The following ATG4C variants were observed in gnomAD, a reference collection of about 807,000 sequenced individuals.
ATG4C encodes autophagy related 4C cysteine peptidase, also known as cysteine protease ATG4C.
Under a neutral mutation model 57.6 loss-of-function variants are expected in ATG4C, and 56 were observed. The ratio of observed to expected loss-of-function variants is 0.97; its 90% confidence interval spans 0.78 to 1.21. ATG4C has a LOEUF of 1.21. ATG4C is among the 50% of genes most tolerant of loss of function. The probability of loss-of-function intolerance (pLI) is 0.00; values close to 1 mark genes in which losing one functional copy is unlikely to be tolerated. For missense variants in ATG4C, 595 were observed against 529.8 expected (o/e 1.12, Z -1.21); for synonymous variants, 157 against 174.1 (o/e 0.90, Z 0.78).
intron 10 of ATG4C, among the ~76,000 whole-genome samples, chr1:62,859,786 C>A (rs1371551161): frequency 6.6e-6 from 1 of 151,948 alleles, no homozygotes; most frequent in African/African-American, 2.4e-5. Context: ...ACCTCCGCCT[C>A]CCAGGTTCAA....
chr1:62,841,889 A>G (rs1451723107), intron 10 of ATG4C, among the ~76,000 whole-genome samples: 1 of 152,242 alleles, frequency 6.6e-6, no homozygotes, highest in Non-Finnish European at 1.5e-5. Flanking sequence ...AAAAAAATTA[A>G]TGAAGTATTT....
intron 1 of ATG4C, among the ~76,000 whole-genome samples, chr1:62,799,351 TTACGAAAATAA>T (rs1312619702): frequency 6.6e-6 from 1 of 152,236 alleles, no homozygotes; most frequent in Non-Finnish European, 1.5e-5. Flanking sequence ...TAGTTTAACC[TTACGAAAATAA>T]TTTTATCGTT....
chr1:62,839,290 T>A (rs1420426475), intron 9 of ATG4C, among the ~76,000 whole-genome samples: 4 of 152,150 alleles, frequency 2.6e-5, no homozygotes, highest in African/African-American at 9.7e-5. Flanking sequence ...ACCTCAGCCC[T>A]CAAGCAATCC....
chr1:62,855,305 G>A (rs540097903), intron 10 of ATG4C, among the ~76,000 whole-genome samples: 3 of 152,202 alleles, frequency 2.0e-5, no homozygotes, highest in Middle Eastern at 3.4e-3. Flanking sequence ...CTGCTGTGCT[G>A]TAAATGGCCT....
intron 3 of ATG4C, among the ~76,000 whole-genome samples, chr1:62,811,699 A>G (rs900402101): frequency 5.3e-5 from 8 of 152,202 alleles, no homozygotes; most frequent in Non-Finnish European, 8.8e-5. Flanking sequence ...TGATATACCC[A>G]TTGTATCTCA....
Position 62,838,453 on chromosome 1 carries a change from G to A in ATG4C, c.1090-2975G>A, listed in dbSNP as rs529028231. Among the ~76,000 whole-genome samples the A allele has an allele frequency of 5.7e-4, 87 of 152,280 alleles. 1 individual carries two copies. Among genetic ancestry groups the A allele is most frequent in the African/African-American group, 2.1e-3 (86 of 41,566 alleles). ...CGATTGTGAATTGTAAATTCATGTT[G>A]GTTGGCCTTTGAATCTTCTTGGATG... On this transcript the variant is annotated intron_variant, in intron 9 of 10. Coordinates refer to ENST00000317868, the MANE Select transcript of ATG4C (RefSeq NM_032852.4).
At chr1:62,791,184 C>G (rs1382610160) in intron 1 of ATG4C, among the ~76,000 whole-genome samples, 1 of 151,988 alleles carries the variant, frequency 6.6e-6, no homozygotes, top group Non-Finnish European at 1.5e-5. Context: ...TAGTTATAAC[C>G]ATTTTGCTTA....
At chr1:62,792,368 G>C (rs1437135988) in intron 1 of ATG4C, among the ~76,000 whole-genome samples, 1 of 152,188 alleles carries the variant, frequency 6.6e-6, no homozygotes, top group East Asian at 1.9e-4. Context: ...ACAGTCTTCT[G>C]ATCAGTTGAA....
intron 1 of ATG4C, among the ~76,000 whole-genome samples, chr1:62,793,619 A>C (rs1187381321): frequency 6.3e-5 from 2 of 31,984 alleles, no homozygotes; most frequent in Non-Finnish European, 1.3e-4. Flanking sequence ...AAAAAAAAAA[A>C]ACCAAAAAAA....
Position 62,861,920 on chromosome 1 carries a change from G to C in ATG4C, c.1210-2072G>C, listed in dbSNP as rs187840277. On this transcript the variant is annotated intron_variant, in intron 10 of 10. Transcript: ENST00000317868. The stretch of plus-strand genomic sequence containing the variant: ...ATTATGGAAGGACTTTTAAGGTTTT[G>C]ACAATGTAGCCATTCTTGTAATATA... 8.5e-4 allele frequency among the ~76,000 whole-genome samples: 129 copies of C among 152,058 alleles called. 1 individual carries two copies. The highest frequency in any genetic ancestry group is 8.4e-3 in the Admixed American group (129 of 15,270).
At chr1:62,800,357 A>G (rs1305149217) in intron 1 of ATG4C, among the ~76,000 whole-genome samples, 2 of 152,222 alleles carry the variant, frequency 1.3e-5, no homozygotes, top group African/African-American at 4.8e-5. Flanking sequence ...CAACTGTGGT[A>G]TAAAAATAAC....
intron 6 of ATG4C, among the ~76,000 whole-genome samples, chr1:62,822,248 G>A (rs1295776674): frequency 1.3e-5 from 2 of 152,098 alleles, no homozygotes; most frequent in Admixed American, 6.6e-5. Flanking sequence ...TTTGTAGTGT[G>A]TAATAATAGT....
intron 1 of ATG4C, among the ~76,000 whole-genome samples, chr1:62,799,100 A>T (rs1664569385): frequency 6.6e-6 from 1 of 152,106 alleles, no homozygotes; most frequent in African/African-American, 2.4e-5. Context: ...TTTTAATTTT[A>T]TAGGGAGAAA....
chr1:62,834,887 C>A, intron 9 of ATG4C, 35 bp downstream of exon 9: 1 of 1,532,574 alleles, frequency 6.5e-7, no homozygotes, highest in East Asian at 2.3e-5. Flanking sequence ...TGTTTTCTTA[C>A]CATATGAAGT....
chr1:62,859,520 G>T (rs141420670), intron 10 of ATG4C, among the ~76,000 whole-genome samples: 2 of 151,736 alleles, frequency 1.3e-5, no homozygotes, highest in Admixed American at 6.6e-5. Context: ...ACCATGAATG[G>T]CACCTGCAGG....
At chr1:62,806,151 C>T (rs1359535655) in intron 3 of ATG4C, among the ~76,000 whole-genome samples, 1 of 152,080 alleles carries the variant, frequency 6.6e-6, no homozygotes, top group Admixed American at 6.5e-5. Flanking sequence ...CTGTTGAGTC[C>T]TTACAACAGT....
At chr1:62,846,888 C>G (rs141930062) in intron 10 of ATG4C, among the ~76,000 whole-genome samples, 2 of 152,174 alleles carry the variant, frequency 1.3e-5, no homozygotes, top group African/African-American at 4.8e-5. Context: ...AAACATAAGT[C>G]ATACTGGGCA....
At chr1:62,862,794 G>A (rs912044105) in intron 10 of ATG4C, among the ~76,000 whole-genome samples, 33 of 151,976 alleles carry the variant, frequency 2.2e-4, no homozygotes, top group Admixed American at 3.3e-4. Flanking sequence ...ATCTGGCCAT[G>A]TTTCAAGAGA....
At position 62,829,175 on chromosome 1, in the gene ATG4C, A is replaced by G; in HGVS notation, c.932A>G (p.Lys311Arg). 3 of 1,612,248 alleles carry G rather than the reference A, an allele frequency of 1.9e-6. No homozygotes were observed. The highest frequency in any genetic ancestry group is 2.5e-6 in the Non-Finnish European group (3 of 1,178,994). ...RTNTDYLEFVKGILSLEYCVG... is the reference protein window; with the variant it reads ...RTNTDYLEFVRGILSLEYCVG... ...AACACCGACTACTTAGAATTTGTGA[A>G]GGTATGAAATAAGTGCTGAACTTTT... Residue 311 changes from lysine to arginine, a missense_variant and splice_region_variant, in exon 7 of 11, where the codon AAG (lysine) becomes AGG (arginine). Physicochemically the swap from Lys to Arg is conservative, Grantham distance 26 (BLOSUM62 2). Coordinates refer to ENST00000317868, the MANE Select transcript of ATG4C (RefSeq NM_032852.4).
Sources: gnomAD v4.1 joint callset for allele counts (sites outside exome capture counted in the v4.1 genomes callset) on GRCh38, gnomAD v4.1.1 for gene constraint, MANE v1.5 for transcripts, NCBI Gene and HGNC (gene_info 2026-07-23, HGNC 2026-07-21) for gene names.